Variants in NAP1L4 observed in about 807,000 individuals in gnomAD.
NAP1L4 encodes nucleosome assembly protein 1-like 4.
NAP1L4 carries 15 observed loss-of-function variants against 58.2 expected under a neutral mutation model. The ratio of observed to expected loss-of-function variants is 0.26; its 90% CI spans 0.17 to 0.40. The LOEUF is 0.40. Among genes scored for constraint, NAP1L4 ranks in the 10% least tolerant of loss-of-function variants. NAP1L4 has a pLI of 1.00. For missense variants in NAP1L4, 384 were observed against 451.1 expected, an observed-to-expected ratio of 0.85 and a Z score of 1.35; for synonymous variants, 171 against 155.6, an observed-to-expected ratio of 1.10 and a Z score of -0.74.
chr11:2,970,961 A>G (rs966306856), intron 6 of NAP1L4, among the ~76,000 whole-genome samples: 5 of 152,112 alleles, frequency 3.3e-5, no homozygotes, highest in Non-Finnish European at 7.3e-5. Flanking sequence ...GGGAGTTTTC[A>G]CAGCACTGGA....
intron 10 of NAP1L4, among the ~76,000 whole-genome samples, chr11:2,958,045 T>A (rs1846647024): frequency 6.6e-6 from 1 of 152,144 alleles, no homozygotes; most frequent in African/African-American, 2.4e-5. Flanking sequence ...TGCCAGCTGG[T>A]GGAGAAGGGT....
At chr11:2,972,676 G>C (rs1324287424) in intron 4 of NAP1L4, among the ~76,000 whole-genome samples, 1 of 152,178 alleles carries the variant, frequency 6.6e-6, no homozygotes, top group East Asian at 1.9e-4. Context: ...CTATTTCTAA[G>C]AATTTATCCT....
intron 8 of NAP1L4, among the ~76,000 whole-genome samples, chr11:2,960,935 T>C (rs1846856298): frequency 6.6e-6 from 1 of 152,178 alleles, no homozygotes; most frequent in South Asian, 2.1e-4. Flanking sequence ...CTGCCTACAC[T>C]GCTAGGCAAC....
intron 7 of NAP1L4, among the ~76,000 whole-genome samples, chr11:2,968,636 G>A (rs892378688): frequency 2.2e-4 from 34 of 152,176 alleles, no homozygotes; most frequent in African/African-American, 6.8e-4. Context: ...ATTAAAAACC[G>A]TAGCTGTAAA....
In NAP1L4 at chr11:2,978,286, G is replaced by A. The variant is rs757704505; in HGVS notation, c.71C>T (p.Thr24Ile). The change falls in exon 3 of 16, where the codon ACA (threonine) becomes ATA (isoleucine). Residue 24 changes from threonine (T) to isoleucine (I), a missense_variant and splice_region_variant. By Grantham distance (89) the Thr-to-Ile change is moderately conservative. Around this residue, in one of 3 missense-constraint regions of NAP1L4, gnomAD observed 84 missense variants for 73.7 expected, o/e 1.14. Coordinates refer to ENST00000380542, the MANE Select transcript of NAP1L4 (RefSeq NM_005969.4). The stretch of plus-strand genomic sequence containing the variant: ...CTCTCCATGTGCAGTGGACTGACCT[G>A]TGTTACTTGCATTTTTAGCAGCTTC... ...SVEAAKNASNTEKLTDQVMQN... is the reference protein window; with the variant it reads ...SVEAAKNASNIEKLTDQVMQN... 4.3e-6 allele frequency: 7 copies of A among 1,613,946 alleles called. No individual in the cohort carries two copies. In the South Asian group the frequency reaches 5.5e-5, roughly 13 times the overall value.
chr11:2,948,922 C>G lies in NAP1L4; in HGVS notation c.*32+305G>C, dbSNP rs1846079618. 6.6e-6 allele frequency among the ~76,000 whole-genome samples: 1 copy of G among 152,312 alleles called. No homozygotes were observed. The highest frequency in any genetic ancestry group is 1.9e-4 in the East Asian group (1 of 5,180). ...GCTTATGGTGGCCCGTGTGTGCCAC[C>G]GTGCAGACTGCTGACCATCCAGGGC... On this transcript the variant is annotated intron_variant, in intron 15 of 15. Coordinates refer to ENST00000380542, the MANE Select transcript of NAP1L4 (RefSeq NM_005969.4). This position sits in a 1 kb window ranked among gnomAD's most constrained non-coding sequence, Gnocchi z 5.1.
At chr11:2,970,858 C>A (rs58033980) in intron 6 of NAP1L4, among the ~76,000 whole-genome samples, 38,600 of 109,640 alleles carry the variant, frequency 0.35, 6,712 homozygotes, top group East Asian at 0.74. Flanking sequence ...ACCCCCCCCC[C>A]AAAAAAAAAA....
intron 6 of NAP1L4, among the ~76,000 whole-genome samples, chr11:2,970,736 T>A (rs570316544): frequency 6.6e-6 from 1 of 152,232 alleles, no homozygotes; most frequent in Non-Finnish European, 1.5e-5. Flanking sequence ...CTTGAGCTGT[T>A]AGAAACTGAT....
chr11:2,974,335 C>G (rs1202346872), intron 4 of NAP1L4, among the ~76,000 whole-genome samples: 1 of 152,190 alleles, frequency 6.6e-6, no homozygotes, highest in African/African-American at 2.4e-5. Context: ...TCTGCCGGCA[C>G]TTTTCCTGCA....
intron 1 of NAP1L4, chr11:2,988,194 G>A (rs892893767): frequency 1.5e-4 from 23 of 152,128 alleles, no homozygotes; most frequent in Non-Finnish European, 3.1e-4. Context: ...TTTTACTTGG[G>A]GCGCAGCAGT....
chr11:2,958,890 A>T (rs1183144206), intron 9 of NAP1L4: 5 of 264,550 alleles, frequency 1.9e-5, no homozygotes, highest in Non-Finnish European at 2.9e-5. Context: ...CCAAGGAAGG[A>T]GGAGTTGCTG....
At position 2,944,998 on chromosome 11, in the gene NAP1L4, C is replaced by T. The variant is rs548746292; in HGVS notation, c.*681G>A. The T allele has an allele frequency of 3.9e-5, 6 of 152,138 alleles. No homozygotes were observed. Among genetic ancestry groups the T allele is most frequent in the Non-Finnish European group, 7.4e-5 (5 of 68,026 alleles). 9.4% of individuals were successfully genotyped at this position (152,138 alleles called of 1,614,324 possible). ...AGGGATAAATAAATATGAGGTGACC[C>T]GCAGCAGCTCTCACCTGGGCTGGTG... On this transcript the variant is annotated 3_prime_UTR_variant, in exon 16 of 16. Coordinates refer to ENST00000380542, the MANE Select transcript of NAP1L4 (RefSeq NM_005969.4).
In NAP1L4 at chr11:2,958,479, T is replaced by A. The variant is rs764630130; in HGVS notation, c.812A>T (p.His271Leu). 6.2e-7 allele frequency: 1 copy of A among 1,614,234 alleles called. No homozygotes were observed. The highest frequency in any genetic ancestry group is 1.1e-5 in the South Asian group (1 of 91,076). The change falls in exon 10 of 16, where the codon CAT becomes CTT. Residue 271 changes from histidine to leucine, a missense_variant. Transcript: ENST00000380542. ...TGTTCTAACAGTGCCTCGACCCTTA[T>A]GCTTCTGCTTTTTCTTGATGGTTTT... ...TVKTIKKKQK[H>L]KGRGTVRTIT... is the part of the protein sequence containing the mutation.
intron 6 of NAP1L4, among the ~76,000 whole-genome samples, 191 bp from the exon 7 acceptor site, chr11:2,970,125 T>A (rs1847552047): frequency 6.6e-6 from 1 of 152,080 alleles, no homozygotes; most frequent in South Asian, 2.1e-4. Flanking sequence ...AGCATTCAAG[T>A]CATTACATCC....
chr11:2,989,487 T>C (rs1189844111), intron 1 of NAP1L4, among the ~76,000 whole-genome samples: 2 of 152,206 alleles, frequency 1.3e-5, no homozygotes, highest in African/African-American at 4.8e-5. Flanking sequence ...CTGAAAAATA[T>C]AGGCTCTTTG....
In NAP1L4 at chr11:2,951,263, G is replaced by C; in HGVS notation, c.1118C>G (p.Pro373Arg). 1 of 1,613,864 alleles carries C rather than the reference G, an allele frequency of 6.2e-7. No individual in the cohort carries two copies. Among genetic ancestry groups the C allele is most frequent in the Non-Finnish European group, 8.5e-7 (1 of 1,179,858 alleles). Residue 373 changes from proline to arginine, a missense_variant, in exon 14 of 16, where the codon CCC becomes CGC. Physicochemically the swap from Pro to Arg is moderately radical, Grantham distance 103 (BLOSUM62 -2). Around this residue, in one of 3 missense-constraint regions of NAP1L4, gnomAD observed 296 missense variants for 360.8 expected, o/e 0.82. Coordinates refer to ENST00000380542, the MANE Select transcript of NAP1L4 (RefSeq NM_005969.4). This position sits in a 1 kb window ranked among gnomAD's most constrained non-coding sequence, Gnocchi z 4.0. The part of the protein sequence containing the change: ...GEDEDDAEIN[P>R]KV ...GGTGGCCCCAAAGTTACCAACCTTG[G>C]GGTTAATTTCCGCATCATCCTCGTC... is the stretch of plus-strand genomic sequence containing the variant.
intron 1 of NAP1L4, among the ~76,000 whole-genome samples, chr11:2,984,390 C>A (rs181254325): frequency 6.6e-6 from 1 of 152,064 alleles, no homozygotes; most frequent in South Asian, 2.1e-4. Context: ...CTGACCAACA[C>A]GGAGAAACCC....
chr11:2,967,567 C>A (rs549603049), intron 7 of NAP1L4, among the ~76,000 whole-genome samples: 1 of 147,970 alleles, frequency 6.8e-6, no homozygotes, highest in Admixed American at 6.8e-5. Flanking sequence ...GCCAAGATCA[C>A]GCCACTGCAC....
At chr11:2,958,828 T>C (rs915943713) in intron 9 of NAP1L4, 18 of 389,490 alleles carry the variant, frequency 4.6e-5, no homozygotes, top group African/African-American at 3.7e-4. Context: ...GTATATTCTG[T>C]GGCAAAGCCC....
Sources: allele counts gnomAD v4.1 joint callset (sites outside exome capture counted in the v4.1 genomes callset), GRCh38; gene constraint gnomAD v4.1.1; regional missense constraint gnomAD v4.1.1; non-coding constraint Gnocchi (gnomAD v3.1); transcripts MANE v1.5; gene names NCBI Gene and HGNC (gene_info 2026-07-23, HGNC 2026-07-21).